Variants in SLC35F3 observed in about 807,000 individuals in gnomAD.
The protein encoded by SLC35F3 is solute carrier family 35 member F3.
SLC35F3 carries 25 observed loss-of-function variants against 49.9 expected under a neutral mutation model. The observed-to-expected ratio is 0.50, with a 90% confidence interval of 0.37 to 0.70. The LOEUF is 0.70. Ranked by LOEUF, SLC35F3 falls within the 30% of genes least tolerant of loss-of-function variation. The pLI is 0.00. For synonymous variants in SLC35F3, 275 were observed against 265.4 expected (o/e 1.04, Z -0.35); for missense variants, 525 against 639.8 (o/e 0.82, Z 1.94).
intron 2 of SLC35F3, among the ~76,000 whole-genome samples, chr1:234,103,694 C>G (rs1055721515): frequency 2.6e-5 from 4 of 152,224 alleles, no homozygotes; most frequent in Non-Finnish European, 5.9e-5. Context: ...TACACAATAG[C>G]TGTATCCTCT....
chr1:234,323,940 A>G lies in SLC35F3; in HGVS notation c.*697A>G, dbSNP rs1053567274. 6.6e-6 allele frequency: 1 copy of G among 152,292 alleles called. No individual in the cohort carries two copies. Among genetic ancestry groups the G allele is most frequent in the Non-Finnish European group, 1.5e-5 (1 of 68,098 alleles). 9.4% of individuals were successfully genotyped at this position (152,292 alleles called of 1,614,324 possible). A position where few individuals can be genotyped will look rare whatever the true frequency, so the allele number is the denominator to read the frequency against. ...TGCCTTCTACAGAATTTTCGTCTTT[A>G]CCTATGTGAAGCGAGGTGACGTGAT... On this transcript the variant is annotated 3_prime_UTR_variant, in exon 8 of 8. Coordinates refer to ENST00000366618, the MANE Select transcript of SLC35F3 (RefSeq NM_173508.4). This position sits in a 1 kb window ranked among gnomAD's most constrained non-coding sequence, Gnocchi z 4.5.
chr1:234,032,883 T>C (rs902771887), intron 2 of SLC35F3, among the ~76,000 whole-genome samples: 10 of 152,196 alleles, frequency 6.6e-5, no homozygotes, highest in African/African-American at 2.2e-4. Flanking sequence ...AGCTACCCAG[T>C]AGTGGGATTG....
intron 2 of SLC35F3, among the ~76,000 whole-genome samples, chr1:233,994,738 C>A (rs1026728854): frequency 6.6e-6 from 1 of 152,164 alleles, no homozygotes; most frequent in African/African-American, 2.4e-5. Context: ...TAACCACTGG[C>A]TCTCACATGA....
chr1:234,171,346 A>G (rs1339223172), intron 2 of SLC35F3, among the ~76,000 whole-genome samples: 1 of 152,170 alleles, frequency 6.6e-6, no homozygotes, highest in African/African-American at 2.4e-5. Context: ...CAAAACTCCC[A>G]TGGTGATTCT....
chr1:234,017,417 T>G (rs1216206479), intron 2 of SLC35F3, among the ~76,000 whole-genome samples: 1 of 152,048 alleles, frequency 6.6e-6, no homozygotes, highest in Non-Finnish European at 1.5e-5. Flanking sequence ...GTGTTTCTGT[T>G]TAAAGACACC....
chr1:233,935,238 T>TTGAATA (rs1662305334), intron 2 of SLC35F3, among the ~76,000 whole-genome samples: 1 of 130,494 alleles, frequency 7.7e-6, no homozygotes, highest in South Asian at 2.7e-4. Context: ...AAATACATGA[T>TTGAATA]TGAATACTGG....
chr1:233,940,957 C>T (rs1662410366), intron 2 of SLC35F3, among the ~76,000 whole-genome samples: 1 of 152,178 alleles, frequency 6.6e-6, no homozygotes, highest in African/African-American at 2.4e-5. Flanking sequence ...CGTGAAGATA[C>T]CTACCTACTT....
intron 2 of SLC35F3, among the ~76,000 whole-genome samples, chr1:234,035,016 G>A (rs1306806145): frequency 1.3e-5 from 2 of 152,032 alleles, no homozygotes; most frequent in South Asian, 2.1e-4. Flanking sequence ...ATTTGTCTTC[G>A]TAGGTAAATC....
At chr1:234,190,416 G>A (rs1572088020) in intron 2 of SLC35F3, among the ~76,000 whole-genome samples, 1 of 152,274 alleles carries the variant, frequency 6.6e-6, no homozygotes, top group East Asian at 1.9e-4. Flanking sequence ...AGTAGGAATA[G>A]CTATTCTTAT....
At position 234,214,498 on chromosome 1, in the gene SLC35F3, C is replaced by G. The variant is rs1179312786; in HGVS notation, c.284-16919C>G. 6.5e-7 allele frequency: 1 copy of G among 1,534,716 alleles called. No homozygotes were observed. Among genetic ancestry groups the G allele is most frequent in the South Asian group, 1.2e-5 (1 of 81,590 alleles). On this transcript the variant is annotated intron_variant, in intron 2 of 7. Coordinates refer to ENST00000366618, the MANE Select transcript of SLC35F3 (RefSeq NM_173508.4). This position sits in a 1 kb window ranked among gnomAD's most constrained non-coding sequence, Gnocchi z 8.0. Reference sequence around the variant, plus strand: ...GCGCTCCTGCAGGCGGCCGGCTCATCATGAAGAAGCACTCGGCCCGGGTGG... The same window carrying G: ...GCGCTCCTGCAGGCGGCCGGCTCATGATGAAGAAGCACTCGGCCCGGGTGG...
At chr1:234,267,492 C>T (rs1558091553) in intron 3 of SLC35F3, among the ~76,000 whole-genome samples, 1 of 149,270 alleles carries the variant, frequency 6.7e-6, no homozygotes, top group Non-Finnish European at 1.5e-5. Flanking sequence ...GATGGGGCGG[C>T]TGGCCGGGCG....
rs570155476 is a variant in SLC35F3 at position 233,995,033 on chromosome 1, A to G, written c.283+89275A>G. Among the ~76,000 whole-genome samples the G allele has an allele frequency of 3.3e-5, 5 of 152,340 alleles. No homozygotes were observed. The South Asian group carries it at 6.2e-4, about 19-fold the overall frequency. ...TACATTTGTAAAAATAGAGTGATCT[A>G]CCTCATAGAGTCATTAGGAGGATTA... On this transcript the variant is annotated intron_variant, in intron 2 of 7. Transcript: ENST00000366618.
At chr1:234,309,028 AC>A in intron 3 of SLC35F3, 72 bp from the exon 4 acceptor site, 2 of 1,290,700 alleles carry the variant, frequency 1.5e-6, no homozygotes, top group Non-Finnish European at 2.2e-6. Context: ...AAAAAAAAAA[AC>A]TTGCTATAGG....
intron 2 of SLC35F3, among the ~76,000 whole-genome samples, chr1:234,015,286 T>G (rs1005139797): frequency 6.6e-6 from 1 of 151,000 alleles, no homozygotes; most frequent in Non-Finnish European, 1.5e-5. Flanking sequence ...AGGCGGAGTT[T>G]GCAGTGAGCC....
At chr1:234,220,012 G>A (rs886647557) in intron 2 of SLC35F3, among the ~76,000 whole-genome samples, 11 of 152,198 alleles carry the variant, frequency 7.2e-5, no homozygotes, top group African/African-American at 2.4e-4. Context: ...AGCAGGAGGA[G>A]GGGAGGTTAA....
chr1:234,120,841 A>G (rs1482159254), intron 2 of SLC35F3, among the ~76,000 whole-genome samples: 3 of 152,202 alleles, frequency 2.0e-5, no homozygotes, highest in Admixed American at 6.5e-5. Context: ...TTTATTTACA[A>G]TCGAGGGATC....
intron 2 of SLC35F3, among the ~76,000 whole-genome samples, chr1:234,153,662 C>A (rs1666106423): frequency 6.6e-6 from 1 of 152,144 alleles, no homozygotes; most frequent in Non-Finnish European, 1.5e-5. Context: ...CACAATGGCT[C>A]ACACCTGTAA....
At chr1:233,997,703 A>G (rs555871953) in intron 2 of SLC35F3, among the ~76,000 whole-genome samples, 5 of 152,158 alleles carry the variant, frequency 3.3e-5, no homozygotes, top group Non-Finnish European at 7.4e-5. Flanking sequence ...TTTGAGAAAT[A>G]TAATATTCTG....
chr1:234,231,771 T>G lies in SLC35F3; in HGVS notation c.608+30T>G, dbSNP rs763992383. ...GCGCGTCCTGCATGAGGAGGCCTCCTGACCCCGGGCTGCTCCATCCAGCGC... is the reference window on the plus strand; with the variant it reads ...GCGCGTCCTGCATGAGGAGGCCTCCGGACCCCGGGCTGCTCCATCCAGCGC... On this transcript the variant is annotated intron_variant, in intron 3 of 7. Transcript: ENST00000366618. The surrounding 1 kb of genome is among the most constrained non-coding windows in gnomAD (Gnocchi z 5.4). The G allele has an allele frequency of 1.3e-6, 2 of 1,568,138 alleles. No homozygotes were observed. The highest frequency in any genetic ancestry group is 1.7e-5 in the Admixed American group (1 of 58,148).
Sources: allele counts gnomAD v4.1 joint callset (sites outside exome capture counted in the v4.1 genomes callset), GRCh38; gene constraint gnomAD v4.1.1; non-coding constraint Gnocchi (gnomAD v3.1); transcripts MANE v1.5; gene names NCBI Gene and HGNC (gene_info 2026-07-23, HGNC 2026-07-21).